The following SYNE1 variants were observed in gnomAD, a reference collection of about 807,000 sequenced individuals.
SYNE1 encodes the protein nesprin-1.
In SYNE1, 616 loss-of-function variants were observed where a neutral mutation model predicts 1,111.0. That is an observed-to-expected ratio of 0.55 (90% CI 0.52 to 0.59). The LOEUF (loss-of-function observed/expected upper bound fraction) is 0.59, where lower values mean the gene tolerates loss of function less well. SYNE1 is among the 20% of genes least tolerant of loss of function. SYNE1 has a pLI of 0.00. For missense variants in SYNE1, 10,006 were observed against 10,417.0 expected (o/e 0.96, Z 1.72); for synonymous variants, 3,855 against 3,825.8 (o/e 1.01, Z -0.28).
chr6:152,606,676 C>T (rs1216379946), intron 3 of SYNE1, among the ~76,000 whole-genome samples: 1 of 142,436 alleles, frequency 7.0e-6, no homozygotes, highest in Non-Finnish European at 1.5e-5. Flanking sequence ...GAGACGGAGC[C>T]TGGCTCTGTC....
At chr6:152,255,495 T>G in intron 103 of SYNE1, 96 bp downstream of exon 103, 1 of 1,357,510 alleles carries the variant, frequency 7.4e-7, no homozygotes, top group Non-Finnish European at 1.1e-6. Flanking sequence ...AATTGTTTTA[T>G]GTTTGACTTT....
chr6:152,264,708 GA>G (rs759026754), intron 100 of SYNE1, among the ~76,000 whole-genome samples: 1 of 152,130 alleles, frequency 6.6e-6, no homozygotes, highest in African/African-American at 2.4e-5. Context: ...GCTAAGGCAA[GA>G]AAATCATTTG....
At chr6:152,530,468 GTTTTT>G (rs71017540) in intron 4 of SYNE1, among the ~76,000 whole-genome samples, 9 of 137,412 alleles carry the variant, frequency 6.5e-5, no homozygotes, top group East Asian at 2.1e-4. Flanking sequence ...TAATTGTATG[GTTTTT>G]TTTTTTTTTT....
chr6:152,230,451 A>G, intron 115 of SYNE1, 96 bp downstream of exon 115: 1 of 1,323,666 alleles, frequency 7.6e-7, no homozygotes, highest in Non-Finnish European at 1.1e-6. Flanking sequence ...AAATATTTAA[A>G]AAAATATTTA....
chr6:152,583,286 G>A (rs1478514480), intron 3 of SYNE1, among the ~76,000 whole-genome samples: 1 of 152,060 alleles, frequency 6.6e-6, no homozygotes, highest in Non-Finnish European at 1.5e-5. Context: ...GGGTGGAGGG[G>A]CCTTTAGGAT....
At position 152,308,633 on chromosome 6, in the gene SYNE1, C is replaced by CT. The variant is rs2153832667; in HGVS notation, c.17203-2dup. 4 of 1,535,926 alleles carry CT rather than the reference C, an allele frequency of 2.6e-6. No individual in the cohort carries two copies. Among genetic ancestry groups the CT allele is most frequent in the Non-Finnish European group, 3.5e-6 (4 of 1,147,442 alleles). Reference sequence around the variant, plus strand: ...ATTGTTCATATTGTACCACAGCTTCCTTTGAAAAAAAAAAAAAACAGAAAG... The same window carrying CT: ...ATTGTTCATATTGTACCACAGCTTCCTTTTGAAAAAAAAAAAAAACAGAAAG... On this transcript the variant is annotated splice_acceptor_variant, in intron 90 of 145. Coordinates refer to ENST00000367255, the MANE Select transcript of SYNE1 (RefSeq NM_182961.4). LOFTEE classifies it high-confidence loss of function.
intron 3 of SYNE1, among the ~76,000 whole-genome samples, chr6:152,622,368 G>A (rs961917941): frequency 1.2e-4 from 18 of 152,052 alleles, no homozygotes; most frequent in African/African-American, 3.6e-4. Flanking sequence ...TCATCATCCA[G>A]ATATCAAGCA....
chr6:152,256,836 A>G (rs2090968685), intron 101 of SYNE1, 71 bp from the exon 102 acceptor site: 10 of 1,596,706 alleles, frequency 6.3e-6, no homozygotes, highest in Non-Finnish European at 7.7e-6. Context: ...TTGGAAATGC[A>G]TACTGAAATA....
chr6:152,173,553 T>C (rs76087794), intron 130 of SYNE1, among the ~76,000 whole-genome samples: 2 of 152,166 alleles, frequency 1.3e-5, no homozygotes, highest in Admixed American at 1.3e-4. Flanking sequence ...GTGGGAAACA[T>C]GCATCCAATC....
intron 64 of SYNE1, among the ~76,000 whole-genome samples, chr6:152,361,573 T>C (rs951441668): frequency 7.2e-5 from 11 of 152,048 alleles, no homozygotes; most frequent in African/African-American, 2.7e-4. Flanking sequence ...GAATAGAGAA[T>C]GTGAGAGGTT....
intron 56 of SYNE1, among the ~76,000 whole-genome samples, chr6:152,377,761 G>T (rs2097323765): frequency 7.0e-6 from 1 of 143,824 alleles, no homozygotes; most frequent in Admixed American, 7.3e-5. Flanking sequence ...CATGAGTCTG[G>T]TTTAAATAGT....
intron 61 of SYNE1, 106 bp from the exon 62 acceptor site, chr6:152,367,488 G>A: frequency 1.5e-6 from 2 of 1,304,224 alleles, no homozygotes; most frequent in Non-Finnish European, 2.2e-6. Context: ...TTCATACGCT[G>A]CACAGATACG....
chr6:152,244,826 A>G (rs182975074), intron 105 of SYNE1, among the ~76,000 whole-genome samples, 170 bp from the exon 106 acceptor site: 100 of 152,350 alleles, frequency 6.6e-4, no homozygotes, highest in African/African-American at 2.4e-3. Flanking sequence ...CAGAGGGTAT[A>G]TAGAAAACAG....
At chr6:152,608,572 A>G (rs2099622497) in intron 3 of SYNE1, among the ~76,000 whole-genome samples, 1 of 152,180 alleles carries the variant, frequency 6.6e-6, no homozygotes, top group African/African-American at 2.4e-5. Flanking sequence ...ATCCAGTCCT[A>G]TTTTGCCTTA....
At chr6:152,128,539 C>T (rs776285090) in intron 145 of SYNE1, 11 of 152,134 alleles carry the variant, frequency 7.2e-5, no homozygotes, top group Non-Finnish European at 1.3e-4. Context: ...ATGTAACAGG[C>T]TAGTATAATA....
intron 91 of SYNE1, among the ~76,000 whole-genome samples, chr6:152,303,098 C>CTTTTTTTTTT (rs71017533): frequency 2.8e-5 from 3 of 107,086 alleles, no homozygotes; most frequent in Admixed American, 1.1e-4. Context: ...AACTATTATT[C>CTTTTTTTTTT]TTTTTTTTTT....
Position 152,236,873 on chromosome 6 carries a change from C to A in SYNE1, c.20143G>T (p.Val6715Leu). The A allele has an allele frequency of 6.2e-7, 1 of 1,614,190 alleles. No individual in the cohort carries two copies. Among genetic ancestry groups the A allele is most frequent in the South Asian group, 1.1e-5 (1 of 91,090 alleles). ...TCCTCGTTCTCCTCCACCAGACCCA[C>A]GCTTGGGATGCTGCTTTCCACCACC... Reference protein sequence around the residue: ...LEVVESSIPSVGLVEENEDRL... With the variant: ...LEVVESSIPSLGLVEENEDRL... Residue 6715 changes from valine to leucine, a missense_variant, in exon 109 of 146, where the codon GTG (valine) becomes TTG (leucine). This residue lies in a region of SYNE1 where 2,182 missense variants were observed against 2,287.8 expected (regional missense o/e 0.95). Transcript: ENST00000367255.
Position 152,268,045 on chromosome 6 carries a change from T to A in SYNE1, c.18815+11A>T. On this transcript the variant is annotated intron_variant, in intron 100 of 145. Coordinates refer to ENST00000367255, the MANE Select transcript of SYNE1 (RefSeq NM_182961.4). ...ACAATGAAGAGAAAATGGAAGCATT[T>A]TGAAACATACCCAGCATCACCAGAG... 6.2e-7 allele frequency: 1 copy of A among 1,607,128 alleles called. No homozygotes were observed. Among genetic ancestry groups the A allele is most frequent in the Non-Finnish European group, 8.5e-7 (1 of 1,173,656 alleles).
chr6:152,455,382 T>C, intron 24 of SYNE1, 44 bp downstream of exon 24: 1 of 1,585,524 alleles, frequency 6.3e-7, no homozygotes, highest in East Asian at 2.2e-5. Flanking sequence ...CAAGGTTGTT[T>C]GTCCATGTAT....
Sources: allele counts gnomAD v4.1 joint callset (sites outside exome capture counted in the v4.1 genomes callset), GRCh38; gene constraint gnomAD v4.1.1; regional missense constraint gnomAD v4.1.1; transcripts MANE v1.5; gene names NCBI Gene and HGNC (gene_info 2026-07-23, HGNC 2026-07-21).